The following UNC5A variants were observed in gnomAD, a reference collection of about 807,000 sequenced individuals.
The protein encoded by UNC5A is unc-5 netrin receptor A.
Under a neutral mutation model 87.4 loss-of-function variants are expected in UNC5A, and 20 were observed. That is an observed-to-expected ratio of 0.23 (90% CI 0.16 to 0.33). UNC5A has a LOEUF of 0.33. Ranked by LOEUF, UNC5A falls within the 10% of genes least tolerant of loss-of-function variation. The pLI is 1.00. For synonymous variants in UNC5A, 438 were observed against 482.3 expected, an observed-to-expected ratio of 0.91 and a Z score of 1.20; for missense variants, 844 against 1,133.4, an observed-to-expected ratio of 0.74 and a Z score of 3.67.
chr5:176,810,765 C>T lies in UNC5A; in HGVS notation c.15C>T (p.Pro5=), dbSNP rs1352742733. 2.5e-6 allele frequency: 3 copies of T among 1,197,092 alleles called. No individual in the cohort carries two copies. Among genetic ancestry groups the T allele is most frequent in the Non-Finnish European group, 3.1e-6 (3 of 966,482 alleles). The allele number at this position is 1,197,092 out of a possible 1,614,324, so 74.2% of individuals were successfully genotyped here. The change falls in exon 1 of 15, where the codon CCC becomes CCT. Residue 5 remains proline (P), a synonymous_variant. Transcript: ENST00000329542. The surrounding 1 kb of genome is among the most constrained non-coding windows in gnomAD (Gnocchi z 7.3). MAVR[P]GLWPALLGIV... ...CGCCCGCGGCCATGGCCGTCCGGCCCGGCCTGTGGCCAGCGCTCCTGGGCA... is the reference window on the plus strand; with the variant it reads ...CGCCCGCGGCCATGGCCGTCCGGCCTGGCCTGTGGCCAGCGCTCCTGGGCA...
chr5:176,829,560 AGATG>A (rs111829154), intron 1 of UNC5A, among the ~76,000 whole-genome samples: 13 of 111,652 alleles, frequency 1.2e-4, no homozygotes, highest in Non-Finnish European at 1.6e-4. Context: ...GACGTATGAA[AGATG>A]GATGGATGGA....
rs946865219 is a variant in UNC5A, at chr5:176,875,318, C to A, written c.1378+752C>A. 6.6e-6 allele frequency among the ~76,000 whole-genome samples: 1 copy of A among 152,174 alleles called. No individual in the cohort carries two copies. Among genetic ancestry groups the A allele is most frequent in the African/African-American group, 2.4e-5 (1 of 41,442 alleles). The stretch of plus-strand genomic sequence containing the variant: ...TGGCCAGCTCCATCTGGATGTCTCA[C>A]ATCACCTCAGACTCCTGGTGCCTAA... On this transcript the variant is annotated intron_variant, in intron 8 of 14. Transcript: ENST00000329542. The surrounding 1 kb of genome is among the most constrained non-coding windows in gnomAD (Gnocchi z 5.2).
At chr5:176,858,916 G>A (rs1379123304) in intron 1 of UNC5A, among the ~76,000 whole-genome samples, 1 of 152,150 alleles carries the variant, frequency 6.6e-6, no homozygotes, top group Non-Finnish European at 1.5e-5. Context: ...CCGGGACACC[G>A]AGGGGGGGAC....
intron 8 of UNC5A, among the ~76,000 whole-genome samples, chr5:176,876,802 G>A (rs1758272026): frequency 6.6e-6 from 1 of 152,226 alleles, no homozygotes; most frequent in Non-Finnish European, 1.5e-5. Flanking sequence ...GGGGGCCAGA[G>A]GCAAAGGCCC....
intron 1 of UNC5A, among the ~76,000 whole-genome samples, chr5:176,829,697 C>T (rs545886598): frequency 1.3e-5 from 2 of 151,930 alleles, no homozygotes; most frequent in African/African-American, 2.4e-5. Flanking sequence ...TGATTGTTCA[C>T]GGGGCACAGA....
At chr5:176,877,816 C>T in intron 10 of UNC5A, 78 bp from the exon 11 acceptor site, 15 of 1,518,702 alleles carry the variant, frequency 9.9e-6, no homozygotes, top group Non-Finnish European at 1.3e-5. Context: ...TCCCCAGTCT[C>T]CGGCCACTTC....
chr5:176,845,924 C>T (rs73340096), intron 1 of UNC5A, among the ~76,000 whole-genome samples: 4,223 of 152,212 alleles, frequency 0.028, 176 homozygotes, highest in African/African-American at 0.088. Context: ...AGCAGAGCAC[C>T]GGGAGAGCCA....
At chr5:176,813,029 A>T (rs1756503828) in intron 1 of UNC5A, among the ~76,000 whole-genome samples, 1 of 152,086 alleles carries the variant, frequency 6.6e-6, no homozygotes, top group Admixed American at 6.5e-5. Context: ...AGCGCGACTG[A>T]CTGCAGCCGC....
intron 1 of UNC5A, among the ~76,000 whole-genome samples, chr5:176,825,752 G>A (rs1452937654): frequency 6.6e-6 from 1 of 152,228 alleles, no homozygotes; most frequent in African/African-American, 2.4e-5. Context: ...AGCAAAATGG[G>A]CAGAAGGTCC....
rs565106269 is a variant in UNC5A, at chr5:176,824,348, G to A, written c.70+13528G>A. 6.6e-6 allele frequency among the ~76,000 whole-genome samples: 1 copy of A among 152,120 alleles called. No individual in the cohort carries two copies. The highest frequency in any genetic ancestry group is 1.5e-5 in the Non-Finnish European group (1 of 68,016). On this transcript the variant is annotated intron_variant, in intron 1 of 14. Transcript: ENST00000329542. The surrounding 1 kb of genome is among the most constrained non-coding windows in gnomAD (Gnocchi z 4.2). Reference sequence around the variant, plus strand: ...TCCCTGCAGCTTTTCTCAGTCCTGTGAGCTGCTGTTAACAGCCTTCCTGGC... The same window carrying A: ...TCCCTGCAGCTTTTCTCAGTCCTGTAAGCTGCTGTTAACAGCCTTCCTGGC...
chr5:176,844,456 C>T lies in UNC5A; in HGVS notation c.71-18168C>T, dbSNP rs1428112008. On this transcript the variant is annotated intron_variant, in intron 1 of 14. Transcript: ENST00000329542. This position sits in a 1 kb window ranked among gnomAD's most constrained non-coding sequence, Gnocchi z 4.2. ...GTCCACCCACGGTGTCCCAGCTGAGCGAGAAGGGACACGGGATGATATGAG... is the reference window on the plus strand; with the variant it reads ...GTCCACCCACGGTGTCCCAGCTGAGTGAGAAGGGACACGGGATGATATGAG... 2.0e-5 allele frequency among the ~76,000 whole-genome samples: 3 copies of T among 152,048 alleles called. No homozygotes were observed. Among genetic ancestry groups the T allele is most frequent in the African/African-American group, 4.8e-5 (2 of 41,382 alleles).
Position 176,810,927 on chromosome 5 carries a change from C to A in UNC5A, c.70+107C>A, listed in dbSNP as rs1241995794. 5 of 1,013,270 alleles carry A rather than the reference C, an allele frequency of 4.9e-6. No homozygotes were observed. The highest frequency in any genetic ancestry group is 9.7e-5 in the South Asian group (2 of 20,582). The allele number at this position is 1,013,270 out of a possible 1,614,324, so 62.8% of individuals were successfully genotyped here. On this transcript the variant is annotated intron_variant, in intron 1 of 14. Coordinates refer to ENST00000329542, the MANE Select transcript of UNC5A (RefSeq NM_133369.3). This position sits in a 1 kb window ranked among gnomAD's most constrained non-coding sequence, Gnocchi z 7.3. ...AGCGCTGCCAGACCCGGCTGGGAGC[C>A]CCCCGAGGCCAAACTTTGCGAGGCG...
rs370280891 is a variant in UNC5A at position 176,879,913 on chromosome 5, C to G, written c.*27C>G. ...GCCGGCCAGGCCCGACACCTACACT[C>G]TCACCAGCTTTGGCACCCACCAAGG... On this transcript the variant is annotated 3_prime_UTR_variant, in exon 15 of 15. Transcript: ENST00000329542. The G allele has an allele frequency of 3.7e-4, 594 of 1,600,004 alleles. No individual in the cohort carries two copies. Among genetic ancestry groups the G allele is most frequent in the Non-Finnish European group, 4.7e-4 (557 of 1,174,318 alleles).
At chr5:176,843,176 G>A (rs111790450) in intron 1 of UNC5A, among the ~76,000 whole-genome samples, 1 of 134,732 alleles carries the variant, frequency 7.4e-6, no homozygotes, top group Non-Finnish European at 1.5e-5. Flanking sequence ...AAAAAAAAAA[G>A]AAAGAAAGAA....
intron 1 of UNC5A, among the ~76,000 whole-genome samples, chr5:176,827,907 T>C (rs1477700518): frequency 6.6e-6 from 1 of 152,114 alleles, no homozygotes; most frequent in African/African-American, 2.4e-5. Flanking sequence ...TAGCCTGGTG[T>C]AGGTCTCGTG....
chr5:176,824,780 C>T lies in UNC5A; in HGVS notation c.70+13960C>T, dbSNP rs556959936. On this transcript the variant is annotated intron_variant, in intron 1 of 14. Transcript: ENST00000329542. The surrounding 1 kb of genome is among the most constrained non-coding windows in gnomAD (Gnocchi z 4.2). Reference sequence around the variant, plus strand: ...CACTCCCTGCCCTGTGCACCCCCACCACCTGTGTGCCCCCTGCTCTGTGTA... The same window carrying T: ...CACTCCCTGCCCTGTGCACCCCCACTACCTGTGTGCCCCCTGCTCTGTGTA... 6.6e-6 allele frequency among the ~76,000 whole-genome samples: 1 copy of T among 151,636 alleles called. No homozygotes were observed. Among genetic ancestry groups the T allele is most frequent in the South Asian group, 2.1e-4 (1 of 4,766 alleles).
rs571821295 is a variant in UNC5A, at chr5:176,879,420, C to T, written c.2295C>T (p.Ser765=). The T allele has an allele frequency of 1.6e-5, 25 of 1,612,864 alleles. No homozygotes were observed. The East Asian group carries it at 5.6e-4, about 36-fold the overall frequency. ...IPFLIRQKII[S]SLDPPCRRGA... Reference sequence around the variant, plus strand: ...TCCTCATTCGGCAGAAGATAATTTCCAGCCTGGACCCACCCTGTAGGCGGG... The same window carrying T: ...TCCTCATTCGGCAGAAGATAATTTCTAGCCTGGACCCACCCTGTAGGCGGG... The change falls in exon 14 of 15, where the codon TCC becomes TCT. Residue 765 remains serine, a synonymous_variant. Coordinates refer to ENST00000329542, the MANE Select transcript of UNC5A (RefSeq NM_133369.3).
intron 1 of UNC5A, among the ~76,000 whole-genome samples, chr5:176,828,348 C>T (rs557297188): frequency 2.0e-5 from 3 of 152,218 alleles, no homozygotes; most frequent in South Asian, 2.1e-4. Flanking sequence ...GGTGAGGGAG[C>T]CCCGAGTGTG....
At chr5:176,826,304 A>G (rs1756851545) in intron 1 of UNC5A, among the ~76,000 whole-genome samples, 2 of 152,222 alleles carry the variant, frequency 1.3e-5, no homozygotes, top group South Asian at 2.1e-4. Context: ...GGCCTGGGCT[A>G]TCATGGAGCG....
Sources: gnomAD v4.1 joint callset for allele counts (sites outside exome capture counted in the v4.1 genomes callset) on GRCh38, gnomAD v4.1.1 for gene constraint, Gnocchi (gnomAD v3.1) non-coding constraint, MANE v1.5 for transcripts, NCBI Gene and HGNC (gene_info 2026-07-23, HGNC 2026-07-21) for gene names.